SPICE1: variants seen among roughly 807,000 people sequenced by gnomAD.
SPICE1 encodes spindle and centriole associated protein 1, also known as spindle and centriole-associated protein 1.
In SPICE1, 75 loss-of-function variants were observed where a neutral mutation model predicts 102.7. The ratio of observed to expected loss-of-function variants is 0.73; its 90% CI spans 0.61 to 0.88. The LOEUF is 0.88. Ranked by LOEUF, SPICE1 falls within the 40% of genes least tolerant of loss-of-function variation. SPICE1 has a pLI of 0.00. For synonymous variants in SPICE1, 308 were observed against 350.3 expected (o/e 0.88, Z 1.35); for missense variants, 979 against 1,020.1 (o/e 0.96, Z 0.55).
intron 7 of SPICE1, among the ~76,000 whole-genome samples, chr3:113,478,373 T>C (rs552632769): frequency 6.6e-6 from 1 of 152,036 alleles, no homozygotes; most frequent in African/African-American, 2.4e-5. Flanking sequence ...GAAAGCTAAA[T>C]GTAAAAAGCC....
In SPICE1 at chr3:113,489,077, A is replaced by C; in HGVS notation, c.493-14T>G. Reference sequence around the variant, plus strand: ...ATCATTAAGAGCCTGTCTCAACACAACAATAAAAATAGCACAAGTTGATTA... The same window carrying C: ...ATCATTAAGAGCCTGTCTCAACACACCAATAAAAATAGCACAAGTTGATTA... On this transcript the variant is annotated splice_polypyrimidine_tract_variant and intron_variant, in intron 6 of 17. Coordinates refer to ENST00000295872, the MANE Select transcript of SPICE1 (RefSeq NM_144718.4). The C allele has an allele frequency of 6.7e-7, 1 of 1,501,260 alleles. No individual in the cohort carries two copies. Among genetic ancestry groups the C allele is most frequent in the Non-Finnish European group, 9.3e-7 (1 of 1,078,816 alleles). The allele number at this position is 1,501,260 out of a possible 1,614,324, so 93.0% of individuals were successfully genotyped here. A position where few individuals can be genotyped will look rare whatever the true frequency, so the allele number is the denominator to read the frequency against.
chr3:113,502,662 T>TAAAAA (rs35248720), intron 3 of SPICE1, among the ~76,000 whole-genome samples: 2 of 87,284 alleles, frequency 2.3e-5, no homozygotes, highest in Admixed American at 1.4e-4. Context: ...CAATAAATCT[T>TAAAAA]AAAAAAAAAA....
At chr3:113,495,323 A>G (rs1936859293) in intron 4 of SPICE1, among the ~76,000 whole-genome samples, 1 of 152,238 alleles carries the variant, frequency 6.6e-6, no homozygotes, top group African/African-American at 2.4e-5. Flanking sequence ...TCTCTATACT[A>G]CAGAATCAAA....
chr3:113,459,494 GC>G, intron 12 of SPICE1: 1 of 983,036 alleles, frequency 1.0e-6, no homozygotes, highest in Non-Finnish European at 1.2e-6. Flanking sequence ...TTTACTCCCA[GC>G]CCTTCTTACC....
chr3:113,470,521 A>G (rs9852703), intron 7 of SPICE1, among the ~76,000 whole-genome samples: 48,572 of 152,172 alleles, frequency 0.32, 9,149 homozygotes, highest in African/African-American at 0.53. Context: ...CTGCTAGCTT[A>G]AATTGAAAGA....
At chr3:113,451,355 T>C (rs1935648582) in intron 14 of SPICE1, among the ~76,000 whole-genome samples, 2 of 152,198 alleles carry the variant, frequency 1.3e-5, no homozygotes, top group South Asian at 4.1e-4. Context: ...CATTCCTAAT[T>C]ATTTCATTAT....
In SPICE1 at chr3:113,453,533, G is replaced by C; in HGVS notation, c.2075C>G (p.Pro692Arg). 6.2e-7 allele frequency: 1 copy of C among 1,613,962 alleles called. No individual in the cohort carries two copies. The highest frequency in any genetic ancestry group is 8.5e-7 in the Non-Finnish European group (1 of 1,179,994). Reference protein sequence around the residue: ...IKAHMNNIIEPRGEQGDGLRE... With the variant: ...IKAHMNNIIERRGEQGDGLRE... Reference sequence around the variant, plus strand: ...GAGTCCATCCCCTTGCTCTCCTCTGGGCTCAATAATATTATTCATATGTGC... The same window carrying C: ...GAGTCCATCCCCTTGCTCTCCTCTGCGCTCAATAATATTATTCATATGTGC... Residue 692 changes from proline (P) to arginine (R), a missense_variant, in exon 14 of 18, where the codon CCC becomes CGC. Transcript: ENST00000295872.
intron 11 of SPICE1, 63 bp downstream of exon 11, chr3:113,465,590 A>G: frequency 6.8e-7 from 1 of 1,461,926 alleles, no homozygotes. Context: ...AAGAGAATCC[A>G]GTACATGTTT....
rs1935451438 is a variant in SPICE1 at position 113,443,860 on chromosome 3, T to A, written c.*1447A>T. 6.6e-6 allele frequency: 1 copy of A among 152,200 alleles called. No individual in the cohort carries two copies. The highest frequency in any genetic ancestry group is 2.1e-4 in the South Asian group (1 of 4,836). 9.4% of individuals were successfully genotyped at this position (152,200 alleles called of 1,614,324 possible). On this transcript the variant is annotated 3_prime_UTR_variant, in exon 18 of 18. Transcript: ENST00000295872. The stretch of plus-strand genomic sequence containing the variant: ...ATAAAGTGGCTACAATATTGCCTAG[T>A]ATGTAGTTAACAGTTAATTATTAAA...
chr3:113,496,911 A>G (rs1936902753), intron 4 of SPICE1, among the ~76,000 whole-genome samples: 1 of 152,220 alleles, frequency 6.6e-6, no homozygotes, highest in Non-Finnish European at 1.5e-5. Context: ...AACATTTTCA[A>G]GGATATTTAT....
chr3:113,487,459 TA>T (rs1936674645), intron 7 of SPICE1, among the ~76,000 whole-genome samples: 1 of 152,178 alleles, frequency 6.6e-6, no homozygotes, highest in South Asian at 2.1e-4. Context: ...CATATATATG[TA>T]TCTGTTGGTC....
At chr3:113,500,098 G>A (rs1317278413) in intron 3 of SPICE1, among the ~76,000 whole-genome samples, 1 of 152,152 alleles carries the variant, frequency 6.6e-6, no homozygotes, top group Non-Finnish European at 1.5e-5. Context: ...ATGGCCTCAT[G>A]TGGGAGTGGG....
chr3:113,489,847 C>CA (rs35823502), intron 6 of SPICE1, among the ~76,000 whole-genome samples: 4,760 of 79,804 alleles, frequency 0.06, 189 homozygotes, highest in Non-Finnish European at 0.071. Flanking sequence ...GACCCTGTCT[C>CA]AAAAAAAAAA....
intron 13 of SPICE1, among the ~76,000 whole-genome samples, chr3:113,454,943 T>G (rs1229647028): frequency 6.6e-6 from 1 of 152,146 alleles, no homozygotes; most frequent in Non-Finnish European, 1.5e-5. Flanking sequence ...GCGAGGACAT[T>G]TGCCCAACAT....
intron 15 of SPICE1, 30 bp from the exon 16 acceptor site, chr3:113,448,170 T>C (rs1266699503): frequency 1.3e-6 from 2 of 1,528,378 alleles, no homozygotes; most frequent in South Asian, 1.3e-5. Context: ...ATTAGTTCCA[T>C]TACCTTTCAA....
rs1353272695 is a variant in SPICE1 at position 113,494,124 on chromosome 3, G to A, written c.310C>T (p.Gln104Ter). Residue 104 changes from glutamine to a stop codon, truncating the protein, a stop_gained, in exon 5 of 18, where the codon CAG becomes TAG. Coordinates refer to ENST00000295872, the MANE Select transcript of SPICE1 (RefSeq NM_144718.4). LOFTEE classifies it high-confidence loss of function. Reference sequence around the variant, plus strand: ...GATTTCTCCAACACATCTTGCATCTGGTATTGATCAGAAAGAATCTAGACA... The same window carrying A: ...GATTTCTCCAACACATCTTGCATCTAGTATTGATCAGAAAGAATCTAGACA... ...IMKEILSDQY[Q>*]MQDVLEKSDH... 2 of 1,608,086 alleles carry A rather than the reference G, an allele frequency of 1.2e-6. No homozygotes were observed. Among genetic ancestry groups the A allele is most frequent in the African/African-American group, 2.7e-5 (2 of 74,692 alleles).
intron 13 of SPICE1, among the ~76,000 whole-genome samples, chr3:113,456,403 G>A (rs1935779267): frequency 6.6e-6 from 1 of 151,920 alleles, no homozygotes; most frequent in Non-Finnish European, 1.5e-5. Flanking sequence ...GTTTAAGATG[G>A]TGGTTCTTTT....
At chr3:113,506,318 T>G (rs1937111354) in intron 2 of SPICE1, among the ~76,000 whole-genome samples, 189 bp downstream of exon 2, 1 of 152,168 alleles carries the variant, frequency 6.6e-6, no homozygotes, top group African/African-American at 2.4e-5. Flanking sequence ...ATGTGTGTAT[T>G]CTAAAAACCT....
chr3:113,505,018 T>C (rs1020905309), intron 2 of SPICE1, among the ~76,000 whole-genome samples: 22 of 152,216 alleles, frequency 1.4e-4, no homozygotes, highest in African/African-American at 4.8e-4. Flanking sequence ...TAGTGGCATA[T>C]TGGAATAAAT....
Sources: gnomAD v4.1 joint callset for allele counts (sites outside exome capture counted in the v4.1 genomes callset) on GRCh38, gnomAD v4.1.1 for gene constraint, MANE v1.5 for transcripts, NCBI Gene and HGNC (gene_info 2026-07-23, HGNC 2026-07-21) for gene names.